Variants in MEGF6 observed in about 807,000 individuals in gnomAD.
The protein encoded by MEGF6 is multiple EGF like domains 6.
Under a neutral mutation model 207.1 loss-of-function variants are expected in MEGF6, and 184 were observed. The observed-to-expected ratio is 0.89, with a 90% confidence interval of 0.79 to 1.00. MEGF6 has a LOEUF of 1.00. Ranked by LOEUF, MEGF6 falls within the 50% of genes least tolerant of loss-of-function variation. The probability of loss-of-function intolerance (pLI) is 0.00; values close to 1 mark genes in which losing one functional copy is unlikely to be tolerated. For missense variants in MEGF6, 2,282 were observed against 2,202.9 expected (o/e 1.04, Z -0.72); for synonymous variants, 1,038 against 910.0 (o/e 1.14, Z -2.53).
chr1:3,501,893 G>GA lies in MEGF6; in HGVS notation c.2216_2217insT (p.Cys740LeufsTer31). On this transcript the variant is annotated frameshift_variant, in exon 18 of 37. Transcript: ENST00000356575. LOFTEE classifies it high-confidence loss of function. ...CCCCACAGGAGCAGGAGCTCGAGCAGTTCACGCCAAACGTCCCCACCGGGC... is the reference window on the plus strand; with the variant it reads ...CCCCACAGGAGCAGGAGCTCGAGCAGATTCACGCCAAACGTCCCCACCGGGC... 1.2e-6 allele frequency: 2 copies of GA among 1,609,038 alleles called. No individual in the cohort carries two copies. Among genetic ancestry groups the GA allele is most frequent in the Non-Finnish European group, 1.7e-6 (2 of 1,178,502 alleles).
At chr1:3,593,570 C>A (rs981704792) in intron 3 of MEGF6, among the ~76,000 whole-genome samples, 2 of 151,770 alleles carry the variant, frequency 1.3e-5, no homozygotes, top group East Asian at 1.9e-4. Context: ...GGGCTGGCAG[C>A]CCCACTTCCT....
chr1:3,581,430 C>G (rs56722379), intron 3 of MEGF6, among the ~76,000 whole-genome samples: 1 of 152,128 alleles, frequency 6.6e-6, no homozygotes, highest in African/African-American at 2.4e-5. Context: ...GGGTGGGGGC[C>G]AGGGGGCTGC....
chr1:3,541,219 C>G (rs1642505292), intron 4 of MEGF6, among the ~76,000 whole-genome samples: 1 of 152,238 alleles, frequency 6.6e-6, no homozygotes, highest in African/African-American at 2.4e-5. Context: ...GGCCTCAGCA[C>G]TGAGCGTCAC....
intron 5 of MEGF6, among the ~76,000 whole-genome samples, chr1:3,516,329 G>T (rs530687378): frequency 6.6e-6 from 1 of 152,238 alleles, no homozygotes; most frequent in Non-Finnish European, 1.5e-5. Context: ...CCTCAGCGGG[G>T]GTTTGGTTAC....
the MEGF6 span, among the ~76,000 whole-genome samples, chr1:3,619,695 G>T: frequency 6.6e-6 from 1 of 150,390 alleles, no homozygotes; most frequent in African/African-American, 2.5e-5. Flanking sequence ...GGGTGTAATG[G>T]TGAGTCAATT....
intron 4 of MEGF6, among the ~76,000 whole-genome samples, chr1:3,544,398 C>G (rs545514604): frequency 6.6e-6 from 1 of 151,504 alleles, no homozygotes; most frequent in South Asian, 2.1e-4. Flanking sequence ...AACAGGTGCT[C>G]TCAACCCCGG....
At position 3,611,508 on chromosome 1, in the gene MEGF6, T is replaced by A. The variant is rs1644326629; in HGVS notation, c.-240A>T. The A allele has an allele frequency of 2.2e-6, 1 of 448,456 alleles. No individual in the cohort carries two copies. The highest frequency in any genetic ancestry group is 3.7e-6 in the Non-Finnish European group (1 of 270,938). 27.8% of individuals were successfully genotyped at this position (448,456 alleles called of 1,614,324 possible). A position where few individuals can be genotyped will look rare whatever the true frequency, so the allele number is the denominator to read the frequency against. ...ACTCGCCCCGGCGCGTTGAGCACAG[T>A]GCCCCGGACTCAGAGCCTGGAAAGC... is the stretch of plus-strand genomic sequence containing the variant. On this transcript the variant is annotated 5_prime_UTR_variant, in exon 1 of 37. Coordinates refer to ENST00000356575, the MANE Select transcript of MEGF6 (RefSeq NM_001409.4).
At chr1:3,496,570 C>A (rs1023635144) in intron 29 of MEGF6, 85 bp downstream of exon 29, 2 of 1,528,648 alleles carry the variant, frequency 1.3e-6, no homozygotes, top group Non-Finnish European at 1.8e-6. Context: ...GGTGGGCAGT[C>A]GGGGGCCATC....
chr1:3,560,781 G>A lies in MEGF6; in HGVS notation c.481+19044C>T, dbSNP rs764479566. On this transcript the variant is annotated intron_variant, in intron 4 of 36. Coordinates refer to ENST00000356575, the MANE Select transcript of MEGF6 (RefSeq NM_001409.4). This position sits in a 1 kb window ranked among gnomAD's most constrained non-coding sequence, Gnocchi z 4.0. Reference sequence around the variant, plus strand: ...CCACTCTGGATTTCCAGGGTCACCCGGCAGTCCCCTCTGGCAGCCACCGGA... The same window carrying A: ...CCACTCTGGATTTCCAGGGTCACCCAGCAGTCCCCTCTGGCAGCCACCGGA... 8 of 473,762 alleles carry A rather than the reference G, an allele frequency of 1.7e-5. No homozygotes were observed. The highest frequency in any genetic ancestry group is 4.6e-5 in the Admixed American group (2 of 43,468). 29.3% of individuals were successfully genotyped at this position (473,762 alleles called of 1,614,324 possible).
rs1346055697 is a variant in MEGF6 at position 3,489,473 on chromosome 1, C to T, written c.*1055G>A. 6.6e-6 allele frequency among the ~76,000 whole-genome samples: 1 copy of T among 152,218 alleles called. No homozygotes were observed. Among genetic ancestry groups the T allele is most frequent in the Non-Finnish European group, 1.5e-5 (1 of 68,024 alleles). ...CTACCCTCTGCCTCTTCCTTCCACT[C>T]TGGGCCCTTCTTCCAGGAGAAGTCA... On this transcript the variant is annotated 3_prime_UTR_variant, in exon 37 of 37. Coordinates refer to ENST00000356575, the MANE Select transcript of MEGF6 (RefSeq NM_001409.4).
chr1:3,605,075 CTCAG>C (rs1644222533), intron 1 of MEGF6, among the ~76,000 whole-genome samples: 1 of 151,690 alleles, frequency 6.6e-6, no homozygotes, highest in African/African-American at 2.4e-5. Flanking sequence ...CACTCACACT[CTCAG>C]TCACACACAA....
At position 3,511,642 on chromosome 1, in the gene MEGF6, C is replaced by G. The variant is rs1413795452; in HGVS notation, c.1022G>C (p.Gly341Ala). ...IVNSCEANNG[G>A]CSHGCSHTSA... ...GGTGTGGCTGCAGCCATGGGAGCAG[C>G]CGCCGTTGTTGGCCTCACAGCTGTT... Residue 341 changes from glycine (G) to alanine (A), a missense_variant, in exon 9 of 37, where the codon GGC (glycine) becomes GCC (alanine). Coordinates refer to ENST00000356575, the MANE Select transcript of MEGF6 (RefSeq NM_001409.4). 1 of 1,612,116 alleles carries G rather than the reference C, an allele frequency of 6.2e-7. No individual in the cohort carries two copies. Among genetic ancestry groups the G allele is most frequent in the Admixed American group, 1.7e-5 (1 of 59,964 alleles).
At chr1:3,499,092 C>A (rs374620323) in intron 24 of MEGF6, 46 bp downstream of exon 24, 1 of 1,588,412 alleles carries the variant, frequency 6.3e-7, no homozygotes. Context: ...CCAGCACCCT[C>A]GCTCAGGCCT....
rs1644031145 is a variant in MEGF6 at position 3,594,670 on chromosome 1, CAA to C, written c.376+666_376+667del. Among the ~76,000 whole-genome samples, 1 of 152,172 alleles carries C rather than the reference CAA, an allele frequency of 6.6e-6. No individual in the cohort carries two copies. Among genetic ancestry groups the C allele is most frequent in the Non-Finnish European group, 1.5e-5 (1 of 68,034 alleles). ...CTGTCCCCATGCCTGAAACCCTTCC[CAA>C]ACATCTCTGTAGCTGTGAGCCCCAT... On this transcript the variant is annotated intron_variant, in intron 3 of 36. Transcript: ENST00000356575. The surrounding 1 kb of genome is among the most constrained non-coding windows in gnomAD (Gnocchi z 4.2).
intron 4 of MEGF6, among the ~76,000 whole-genome samples, chr1:3,542,463 G>A (rs1254873952): frequency 6.6e-6 from 1 of 151,858 alleles, no homozygotes; most frequent in Non-Finnish European, 1.5e-5. Context: ...CTGGATGTAG[G>A]GTCCTGGCCG....
intron 1 of MEGF6, among the ~76,000 whole-genome samples, chr1:3,605,436 TCA>T (rs1644231118): frequency 6.6e-6 from 1 of 150,992 alleles, no homozygotes; most frequent in Non-Finnish European, 1.5e-5. Flanking sequence ...ACACTCAAAA[TCA>T]CACACCCTCA....
intron 4 of MEGF6, among the ~76,000 whole-genome samples, chr1:3,528,404 G>A (rs936583251): frequency 5.0e-4 from 76 of 152,352 alleles, no homozygotes; most frequent in African/African-American, 1.7e-3. Flanking sequence ...GGCTGCGGCT[G>A]TGATCTGAAG....
In MEGF6 at chr1:3,602,485, A is replaced by G. The variant is rs1254198589; in HGVS notation, c.247T>C (p.Cys83Arg). 2 of 1,613,066 alleles carry G rather than the reference A, an allele frequency of 1.2e-6. No homozygotes were observed. The highest frequency in any genetic ancestry group is 2.2e-5 in the East Asian group (1 of 44,868). The change falls in exon 2 of 37, where the codon TGC becomes CGC. Residue 83 changes from cysteine (C) to arginine (R), a missense_variant. Coordinates refer to ENST00000356575, the MANE Select transcript of MEGF6 (RefSeq NM_001409.4). ...WKAGCGWQAW[C>R]VGHERRTVYY... ...ACTTACCTCCGCTCATGACCCACGCACCACGCCTGCCACCCACAGCCGGCC... is the reference window on the plus strand; with the variant it reads ...ACTTACCTCCGCTCATGACCCACGCGCCACGCCTGCCACCCACAGCCGGCC...
intron 5 of MEGF6, among the ~76,000 whole-genome samples, chr1:3,519,044 A>G (rs939807124): frequency 6.6e-6 from 1 of 152,236 alleles, no homozygotes; most frequent in Non-Finnish European, 1.5e-5. Flanking sequence ...CAGGCAAACA[A>G]TGGCCCTTCA....
Sources: gnomAD v4.1 joint callset for allele counts (sites outside exome capture counted in the v4.1 genomes callset) on GRCh38, gnomAD v4.1.1 for gene constraint, Gnocchi (gnomAD v3.1) non-coding constraint, MANE v1.5 for transcripts, NCBI Gene and HGNC (gene_info 2026-07-23, HGNC 2026-07-21) for gene names.